Variants in GRID1 observed in about 807,000 individuals in gnomAD.
GRID1 encodes glutamate ionotropic receptor delta type subunit 1.
In GRID1, 28 loss-of-function variants were observed where a neutral mutation model predicts 98.0. The ratio of observed to expected loss-of-function variants is 0.29; its 90% CI spans 0.21 to 0.39. The LOEUF is 0.39. Ranked by LOEUF, GRID1 falls within the 10% of genes least tolerant of loss-of-function variation. GRID1 has a pLI of 1.00. For synonymous variants in GRID1, 553 were observed against 538.5 expected, an observed-to-expected ratio of 1.03 and a Z score of -0.37; for missense variants, 1,111 against 1,340.5, an observed-to-expected ratio of 0.83 and a Z score of 2.67.
intron 2 of GRID1, among the ~76,000 whole-genome samples, chr10:86,276,728 G>A (rs957410786): frequency 1.3e-5 from 2 of 151,996 alleles, no homozygotes; most frequent in African/African-American, 4.8e-5. Context: ...GACCTCAAGT[G>A]TCCCACCTGC....
intron 13 of GRID1, among the ~76,000 whole-genome samples, chr10:85,633,871 TA>T (rs1200835058): frequency 1.3e-5 from 2 of 152,042 alleles, no homozygotes; most frequent in African/African-American, 4.8e-5. Flanking sequence ...AAAAGAACCA[TA>T]AAAGTTTACT....
intron 4 of GRID1, among the ~76,000 whole-genome samples, chr10:86,050,315 A>G (rs1239881377): frequency 6.6e-6 from 1 of 152,264 alleles, no homozygotes. Context: ...ATGTGTGTGT[A>G]TATATGTAGT....
rs1220249442 is a variant in GRID1, at chr10:85,599,788, TAAAAAA to T, written c.*2479_*2484del. The stretch of plus-strand genomic sequence containing the variant: ...CCCTCATGCCAAGGGTAGAAAATTC[TAAAAAA>T]AAAAAAAAATATATATATATATATA... On this transcript the variant is annotated 3_prime_UTR_variant, in exon 16 of 16. Coordinates refer to ENST00000327946, the MANE Select transcript of GRID1 (RefSeq NM_017551.3). 1 of 76,116 alleles carries T rather than the reference TAAAAAA, an allele frequency of 1.3e-5. No individual in the cohort carries two copies. The highest frequency in any genetic ancestry group is 2.2e-5 in the Non-Finnish European group (1 of 44,664). 4.7% of individuals were successfully genotyped at this position (76,116 alleles called of 1,614,324 possible).
intron 6 of GRID1, among the ~76,000 whole-genome samples, chr10:85,862,613 C>T (rs1843174248): frequency 6.6e-6 from 1 of 152,120 alleles, no homozygotes; most frequent in African/African-American, 2.4e-5. Context: ...GAGAACTCAG[C>T]CGTGAGCTCT....
intron 8 of GRID1, among the ~76,000 whole-genome samples, chr10:85,838,300 A>G (rs1842929466): frequency 6.6e-6 from 1 of 152,224 alleles, no homozygotes; most frequent in Non-Finnish European, 1.5e-5. Context: ...CAAATTCAGG[A>G]AATGTAGAGA....
Position 85,739,538 on chromosome 10 carries a change from T to C in GRID1, c.1234-9924A>G, listed in dbSNP as rs555916537. On this transcript the variant is annotated intron_variant, in intron 8 of 15. Coordinates refer to ENST00000327946, the MANE Select transcript of GRID1 (RefSeq NM_017551.3). ...AGTTCCAGTCTGCAGTGAGCCATGA[T>C]TGAGCCACTGTACTCAAGCCTGGGT... Among the ~76,000 whole-genome samples, 6 of 152,268 alleles carry C rather than the reference T, an allele frequency of 3.9e-5. No homozygotes were observed. In the South Asian group the frequency reaches 6.2e-4, roughly 16 times the overall value.
chr10:85,880,307 G>A (rs1477208067), intron 5 of GRID1, among the ~76,000 whole-genome samples: 10 of 152,152 alleles, frequency 6.6e-5, no homozygotes, highest in African/African-American at 2.4e-4. Context: ...AAGCTGGGCA[G>A]AGACACAACC....
At chr10:85,616,648 C>T (rs1005737339) in intron 14 of GRID1, among the ~76,000 whole-genome samples, 3 of 152,072 alleles carry the variant, frequency 2.0e-5, no homozygotes, top group South Asian at 2.1e-4. Flanking sequence ...CCTAAACAAA[C>T]AAAGGAAATT....
In GRID1 at chr10:85,619,971, C is replaced by T. The variant is rs142646668; in HGVS notation, c.2256G>A (p.Thr752=). 111 of 1,613,928 alleles carry T rather than the reference C, an allele frequency of 6.9e-5. 1 individual carries two copies. The African/African-American group carries it at 7.6e-4, about 11-fold the overall frequency. ...TGACAGTCACCGAGCAGTCGTCATC[C>T]GTCAGGGCTGCGTATTCCACCACGG... ...DVAVVEYAAL[T]DDDCSVTVIG... The change falls in exon 14 of 16, where the codon ACG becomes ACA. Residue 752 remains threonine, a synonymous_variant. Transcript: ENST00000327946.
chr10:86,259,341 CCT>C (rs1230685055), intron 2 of GRID1, among the ~76,000 whole-genome samples: 5 of 152,214 alleles, frequency 3.3e-5, no homozygotes, highest in Non-Finnish European at 7.3e-5. Context: ...CTCTCTCTCT[CCT>C]CTCTCCTTAA....
At chr10:86,272,989 G>A (rs564377978) in intron 2 of GRID1, among the ~76,000 whole-genome samples, 1 of 152,094 alleles carries the variant, frequency 6.6e-6, no homozygotes, top group Non-Finnish European at 1.5e-5. Context: ...GTATACATGT[G>A]ACATGCTGGT....
In GRID1 at chr10:85,960,187, AC is replaced by A. The variant is rs1288333009; in HGVS notation, c.727-43949del. Among the ~76,000 whole-genome samples the A allele has an allele frequency of 6.6e-5, 10 of 152,368 alleles. No homozygotes were observed. The East Asian group carries it at 1.5e-3, about 23-fold the overall frequency. ...AGTGCTGGGATTACAGGTGTGAGCCACCACGCTCAGCCTCTTCTGGGTCAAT... is the reference window on the plus strand; with the variant it reads ...AGTGCTGGGATTACAGGTGTGAGCCACACGCTCAGCCTCTTCTGGGTCAAT... On this transcript the variant is annotated intron_variant, in intron 4 of 15. Transcript: ENST00000327946.
At chr10:85,966,302 T>C (rs975640021) in intron 4 of GRID1, among the ~76,000 whole-genome samples, 12 of 152,160 alleles carry the variant, frequency 7.9e-5, no homozygotes, top group Non-Finnish European at 1.6e-4. Flanking sequence ...CATAGGGACA[T>C]TGGGAAATCT....
chr10:85,769,694 T>A (rs1590223580), intron 8 of GRID1, among the ~76,000 whole-genome samples: 1 of 152,034 alleles, frequency 6.6e-6, no homozygotes, highest in South Asian at 2.1e-4. Context: ...GCTCGGAGGG[T>A]CCTACACCCA....
chr10:85,855,689 C>A (rs1293654348), intron 7 of GRID1, among the ~76,000 whole-genome samples: 1 of 152,190 alleles, frequency 6.6e-6, no homozygotes, highest in African/African-American at 2.4e-5. Flanking sequence ...GCACTCGTTT[C>A]TTGGGGAGTG....
chr10:85,679,884 T>C (rs891244946), intron 12 of GRID1, among the ~76,000 whole-genome samples: 2 of 152,166 alleles, frequency 1.3e-5, no homozygotes, highest in Non-Finnish European at 1.5e-5. Flanking sequence ...CCCTGCAAGA[T>C]GCAGCATGAT....
intron 2 of GRID1, among the ~76,000 whole-genome samples, chr10:86,316,297 C>T (rs1004016277): frequency 8.5e-5 from 13 of 152,356 alleles, no homozygotes; most frequent in South Asian, 4.1e-4. Flanking sequence ...GATCACATCA[C>T]GCTCACTGTC....
intron 8 of GRID1, among the ~76,000 whole-genome samples, chr10:85,843,240 G>C (rs1243445645): frequency 1.3e-5 from 2 of 148,940 alleles, no homozygotes; most frequent in East Asian, 3.9e-4. Context: ...TACCTATAGG[G>C]AAAAAAAAAT....
chr10:85,984,439 C>T (rs1842584252), intron 4 of GRID1, among the ~76,000 whole-genome samples: 1 of 152,180 alleles, frequency 6.6e-6, no homozygotes, highest in Non-Finnish European at 1.5e-5. Context: ...GTCAAGAAAG[C>T]ACCCTGGGTG....
Sources: allele counts gnomAD v4.1 joint callset (sites outside exome capture counted in the v4.1 genomes callset), GRCh38; gene constraint gnomAD v4.1.1; transcripts MANE v1.5; gene names NCBI Gene and HGNC (gene_info 2026-07-23, HGNC 2026-07-21).